The following USP18 variants were observed in gnomAD, a reference collection of about 807,000 sequenced individuals.
USP18 encodes the protein ubiquitin specific peptidase 18, also known as ubl carboxyl-terminal hydrolase 18.
USP18 carries 11 observed loss-of-function variants against 48.7 expected under a neutral mutation model. The ratio of observed to expected loss-of-function variants is 0.23; its 90% confidence interval spans 0.14 to 0.37. USP18 has a LOEUF of 0.37. Ranked by LOEUF, USP18 falls within the 10% of genes least tolerant of loss-of-function variation. The pLI, the probability that USP18 is intolerant of heterozygous loss-of-function variation, is 1.00. For missense variants in USP18, 285 were observed against 436.4 expected (o/e 0.65, Z 3.09); for synonymous variants, 114 against 163.2 (o/e 0.70, Z 2.30).
chr22:18,167,591 G>A (rs1304248300), intron 5 of USP18, among the ~76,000 whole-genome samples: 2 of 151,548 alleles, frequency 1.3e-5, no homozygotes, highest in African/African-American at 2.4e-5. Context: ...CCAGCTACTC[G>A]GGAGGCTGAG....
At chr22:18,167,454 T>C in intron 5 of USP18, 120 bp downstream of exon 5, 2 of 1,205,342 alleles carry the variant, frequency 1.7e-6, no homozygotes, top group Non-Finnish European at 1.2e-6. Flanking sequence ...TCCCAGCACT[T>C]TGGGAGGCTG....
chr22:18,153,290 G>A lies in USP18; in HGVS notation c.-107+3068G>A, dbSNP rs547027945. Among the ~76,000 whole-genome samples the A allele has an allele frequency of 4.4e-3, 677 of 152,238 alleles. 3 individuals carry two copies. The highest frequency in any genetic ancestry group is 0.015 in the African/African-American group (620 of 41,548). Reference sequence around the variant, plus strand: ...CTAAAAATACAAAAATTAGCCATGCGTGGTGGCACATGCCTGTAGTTCCAA... The same window carrying A: ...CTAAAAATACAAAAATTAGCCATGCATGGTGGCACATGCCTGTAGTTCCAA... On this transcript the variant is annotated intron_variant, in intron 1 of 10. Transcript: ENST00000215794.
chr22:18,163,101 T>A (rs988934806), intron 4 of USP18, among the ~76,000 whole-genome samples: 3 of 151,990 alleles, frequency 2.0e-5, no homozygotes, highest in Non-Finnish European at 4.4e-5. Flanking sequence ...ATTCTTCAGC[T>A]CTGTTATTTC....
intron 10 of USP18, among the ~76,000 whole-genome samples, chr22:18,174,875 C>T (rs1929739738): frequency 1.3e-5 from 2 of 152,082 alleles, no homozygotes; most frequent in African/African-American, 4.8e-5. Context: ...GGATTATAGG[C>T]ATGAACACTG....
At chr22:18,159,638 C>T (rs950593172) in intron 2 of USP18, among the ~76,000 whole-genome samples, 22 of 148,846 alleles carry the variant, frequency 1.5e-4, no homozygotes, top group African/African-American at 5.2e-4. Flanking sequence ...GCTGGGACTA[C>T]AGGCACCTGT....
chr22:18,160,958 T>C (rs376683545), intron 3 of USP18, among the ~76,000 whole-genome samples: 21 of 151,956 alleles, frequency 1.4e-4, no homozygotes, highest in East Asian at 9.7e-4. Context: ...TTAGTAGATA[T>C]GAGTTTTCAC....
intron 6 of USP18, among the ~76,000 whole-genome samples, chr22:18,168,943 T>G (rs1280877885): frequency 6.6e-6 from 1 of 152,080 alleles, no homozygotes; most frequent in Non-Finnish European, 1.5e-5. Flanking sequence ...GCTCCCTTAA[T>G]AGGAGCCCCC....
intron 6 of USP18, among the ~76,000 whole-genome samples, chr22:18,168,592 C>T (rs1929546770): frequency 6.6e-6 from 1 of 152,176 alleles, no homozygotes; most frequent in South Asian, 2.1e-4. Context: ...GATGGGGTTT[C>T]ACCATGTTGG....
At chr22:18,153,871 G>A (rs980912913) in intron 1 of USP18, among the ~76,000 whole-genome samples, 2 of 151,972 alleles carry the variant, frequency 1.3e-5, no homozygotes, top group African/African-American at 4.8e-5. Context: ...GCTCATCCAT[G>A]TTGATGGGAA....
intron 10 of USP18, among the ~76,000 whole-genome samples, chr22:18,175,430 C>G (rs1602535626): frequency 6.7e-6 from 1 of 150,330 alleles, no homozygotes; most frequent in Non-Finnish European, 1.5e-5. Flanking sequence ...TCATCTTTCT[C>G]TCTTGTTTAT....
intron 1 of USP18, among the ~76,000 whole-genome samples, chr22:18,156,884 G>A (rs944845241): frequency 6.6e-6 from 1 of 152,238 alleles, no homozygotes; most frequent in Non-Finnish European, 1.5e-5. Flanking sequence ...TGGGTTCCAA[G>A]GCGAAGTACT....
At chr22:18,169,124 A>C (rs1033148908) in intron 6 of USP18, among the ~76,000 whole-genome samples, 8 of 123,762 alleles carry the variant, frequency 6.5e-5, no homozygotes, top group African/African-American at 3.0e-4. Context: ...GTCCCTGCCC[A>C]AAAATCTCCT....
intron 8 of USP18, 105 bp from the exon 9 acceptor site, chr22:18,173,045 A>C: frequency 6.4e-7 from 1 of 1,569,890 alleles, no homozygotes; most frequent in Non-Finnish European, 8.6e-7. Flanking sequence ...CTGTTTTCTA[A>C]TATTCTAAAG....
chr22:18,151,970 C>T (rs1006819581), intron 1 of USP18, among the ~76,000 whole-genome samples: 6 of 152,190 alleles, frequency 3.9e-5, no homozygotes, highest in Admixed American at 1.3e-4. Flanking sequence ...AGGAGAATGG[C>T]GTGAACCTGG....
chr22:18,155,980 A>G (rs1569208423), intron 1 of USP18, among the ~76,000 whole-genome samples: 1 of 152,194 alleles, frequency 6.6e-6, no homozygotes, highest in Non-Finnish European at 1.5e-5. Context: ...GAGAATCTTT[A>G]TGTCTAGCTA....
At chr22:18,173,345 T>A (rs1320510951) in intron 9 of USP18, 64 bp downstream of exon 9, 26 of 1,585,960 alleles carry the variant, frequency 1.6e-5, no homozygotes, top group Non-Finnish European at 2.1e-5. Context: ...AATGCTGGGC[T>A]CAGGGCTGCG....
rs567406391 is a variant in USP18 at position 18,155,830 on chromosome 22, C to T, written c.-106-1728C>T. Among the ~76,000 whole-genome samples the T allele has an allele frequency of 1.2e-4, 18 of 152,362 alleles. No homozygotes were observed. The East Asian group carries it at 2.5e-3, about 21-fold the overall frequency. ...CCGACCAGCGCCGCTCCCGGCTCCACGCCGCCGAGTCCCACCGACCACCCA... is the reference window on the plus strand; with the variant it reads ...CCGACCAGCGCCGCTCCCGGCTCCATGCCGCCGAGTCCCACCGACCACCCA... On this transcript the variant is annotated intron_variant, in intron 1 of 10. Coordinates refer to ENST00000215794, the MANE Select transcript of USP18 (RefSeq NM_017414.4).
intron 1 of USP18, among the ~76,000 whole-genome samples, chr22:18,151,206 T>G (rs528774482): frequency 1.5e-4 from 23 of 152,290 alleles, no homozygotes; most frequent in African/African-American, 4.8e-4. Context: ...ACCTCTCTTC[T>G]TCACACCCTT....
At chr22:18,161,297 A>G (rs1929327396) in intron 3 of USP18, among the ~76,000 whole-genome samples, 1 of 129,786 alleles carries the variant, frequency 7.7e-6, no homozygotes, top group Admixed American at 8.2e-5. Context: ...CCTTTTTCCC[A>G]TCCGAAAAAT....
Sources: allele counts gnomAD v4.1 joint callset (sites outside exome capture counted in the v4.1 genomes callset), GRCh38; gene constraint gnomAD v4.1.1; transcripts MANE v1.5; gene names NCBI Gene and HGNC (gene_info 2026-07-23, HGNC 2026-07-21).